ACTR3C: variants seen among roughly 807,000 people sequenced by gnomAD.
The protein encoded by ACTR3C is actin-related protein 3C.
A neutral mutation model predicts 26.3 loss-of-function variants in ACTR3C; 18 were observed. That is an observed-to-expected ratio of 0.68 (90% CI 0.47 to 1.01). The LOEUF (loss-of-function observed/expected upper bound fraction) is 1.01, where lower values mean the gene tolerates loss of function less well. Ranked by LOEUF, ACTR3C falls within the 50% of genes least tolerant of loss-of-function variation. ACTR3C has a pLI of 0.00. For missense variants in ACTR3C, 184 were observed against 250.7 expected, an observed-to-expected ratio of 0.73 and a Z score of 1.80; for synonymous variants, 55 against 94.5, an observed-to-expected ratio of 0.58 and a Z score of 2.42.
chr7:149,910,227 G>A, the ACTR3C span, among the ~76,000 whole-genome samples: 1 of 150,032 alleles, frequency 6.7e-6, no homozygotes, highest in African/African-American at 2.5e-5. Flanking sequence ...GGTGGGGGGC[G>A]GCGGTTAGAA....
the ACTR3C span, among the ~76,000 whole-genome samples, chr7:150,012,198 A>G: frequency 3.9e-5 from 6 of 152,228 alleles, no homozygotes; most frequent in African/African-American, 1.4e-4. Flanking sequence ...TCTTTAAAGA[A>G]GCTCTTTTTT....
chr7:150,027,116 A>G, the ACTR3C span, among the ~76,000 whole-genome samples: 329 of 152,160 alleles, frequency 2.2e-3, 3 homozygotes, highest in African/African-American at 7.4e-3. Context: ...TACACAGTGA[A>G]CGACACAGTC....
At chr7:150,049,325 TC>T in the ACTR3C span, among the ~76,000 whole-genome samples, 2 of 151,912 alleles carry the variant, frequency 1.3e-5, no homozygotes, top group African/African-American at 4.8e-5. Context: ...GCGCGCCCCT[TC>T]CAGCCCTTCC....
the ACTR3C span, among the ~76,000 whole-genome samples, chr7:150,026,419 T>G: frequency 6.6e-6 from 1 of 152,158 alleles, no homozygotes; most frequent in Non-Finnish European, 1.5e-5. Context: ...AGGCCTCTAT[T>G]ATTTCAAAGA....
At chr7:150,154,876 G>T in the ACTR3C span, among the ~76,000 whole-genome samples, 22 of 152,192 alleles carry the variant, frequency 1.4e-4, no homozygotes, top group Non-Finnish European at 2.9e-5. Flanking sequence ...GTGAGGAATT[G>T]GTACAAAAAT....
At chr7:150,116,217 G>A in the ACTR3C span, among the ~76,000 whole-genome samples, 1 of 152,150 alleles carries the variant, frequency 6.6e-6, no homozygotes, top group Non-Finnish European at 1.5e-5. Context: ...AAACTCAGCA[G>A]AACAGGAGTC....
At chr7:150,281,133 G>C (rs1490101070) in intron 6 of ACTR3C, among the ~76,000 whole-genome samples, 2 of 152,104 alleles carry the variant, frequency 1.3e-5, no homozygotes, top group Non-Finnish European at 2.9e-5. Context: ...CTCCTGGAGA[G>C]AGGGCGTCTT....
At chr7:150,154,761 A>G in the ACTR3C span, among the ~76,000 whole-genome samples, 1 of 152,030 alleles carries the variant, frequency 6.6e-6, no homozygotes, top group Non-Finnish European at 1.5e-5. Flanking sequence ...TGCTCCTCTG[A>G]GTTTGTAATT....
At chr7:150,140,836 T>C in the ACTR3C span, among the ~76,000 whole-genome samples, 1 of 152,256 alleles carries the variant, frequency 6.6e-6, no homozygotes, top group Admixed American at 6.5e-5. Context: ...GGCTGAAAGC[T>C]AGGCCTCTTG....
chr7:150,161,226 T>TATATATATATATATATA, the ACTR3C span, among the ~76,000 whole-genome samples: 3 of 78,912 alleles, frequency 3.8e-5, no homozygotes, highest in Non-Finnish European at 4.7e-5. Flanking sequence ...ATATATATAT[T>TATATATATATATATATA]TATTATACTT....
chr7:150,095,342 G>A, the ACTR3C span, among the ~76,000 whole-genome samples: 1 of 150,374 alleles, frequency 6.7e-6, no homozygotes, highest in Non-Finnish European at 1.5e-5. Context: ...CCCGGCCCCT[G>A]AGCAAAGCCA....
chr7:150,034,909 C>G, the ACTR3C span, among the ~76,000 whole-genome samples: 1 of 137,618 alleles, frequency 7.3e-6, no homozygotes, highest in African/African-American at 2.7e-5. Context: ...GTGCCTCCCC[C>G]ACCCTGCGAT....
chr7:149,975,071 G>A, the ACTR3C span, among the ~76,000 whole-genome samples: 3 of 152,192 alleles, frequency 2.0e-5, no homozygotes, highest in East Asian at 1.9e-4. Flanking sequence ...ATTAGACTCC[G>A]CCAAGCCCAG....
chr7:150,284,905 A>G, intron 5 of ACTR3C, 60 bp from the exon 6 acceptor site: 2 of 1,487,136 alleles, frequency 1.3e-6, no homozygotes, highest in Non-Finnish European at 1.8e-6. Flanking sequence ...GAACAACATG[A>G]ACACTCCTTT....
the ACTR3C span, among the ~76,000 whole-genome samples, chr7:149,919,860 A>G: frequency 7.4e-6 from 1 of 135,368 alleles, no homozygotes; most frequent in African/African-American, 2.8e-5. Context: ...TTTCAAAAAA[A>G]TGAAACAGTA....
chr7:150,176,188 G>T, the ACTR3C span, among the ~76,000 whole-genome samples: 2 of 150,852 alleles, frequency 1.3e-5, no homozygotes. Context: ...TGAATAAAAT[G>T]TTGTCTATAA....
chr7:149,987,170 A>G, the ACTR3C span, among the ~76,000 whole-genome samples: 1 of 34,862 alleles, frequency 2.9e-5, no homozygotes, highest in Admixed American at 4.8e-4. Flanking sequence ...TCCCCTTCTC[A>G]GGGAGAATTA....
the ACTR3C span, among the ~76,000 whole-genome samples, chr7:150,017,321 T>C: frequency 6.6e-6 from 1 of 151,800 alleles, no homozygotes; most frequent in South Asian, 2.1e-4. Context: ...ATTTGGTGCC[T>C]TTCTTAAACT....
chr7:149,927,912 G>A, the ACTR3C span, among the ~76,000 whole-genome samples: 1,540 of 152,170 alleles, frequency 0.01, 29 homozygotes, highest in African/African-American at 0.035. Context: ...TAAATTACCC[G>A]GTGTGTGGTA....
Sources: gnomAD v4.1 joint callset for allele counts (sites outside exome capture counted in the v4.1 genomes callset) on GRCh38, gnomAD v4.1.1 for gene constraint, MANE v1.5 for transcripts, NCBI Gene and HGNC (gene_info 2026-07-23, HGNC 2026-07-21) for gene names.